Variants in DPY19L2 observed in about 807,000 individuals in gnomAD.
DPY19L2 encodes dpy-19 like 2, also known as probable C-mannosyltransferase DPY19L2.
Under a neutral mutation model 97.9 loss-of-function variants are expected in DPY19L2, and 34 were observed. The observed-to-expected ratio is 0.35, with a 90% CI of 0.26 to 0.46. The LOEUF is 0.46. Ranked by LOEUF, DPY19L2 falls within the 20% of genes least tolerant of loss-of-function variation. The pLI is 1.00. For synonymous variants in DPY19L2, 230 were observed against 307.9 expected (o/e 0.75, Z 2.65); for missense variants, 623 against 911.4 (o/e 0.68, Z 4.07).
chr12:63,645,376 A>AT (rs1893275233), intron 5 of DPY19L2, among the ~76,000 whole-genome samples: 1 of 152,010 alleles, frequency 6.6e-6, no homozygotes, highest in Admixed American at 6.6e-5. Context: ...GCTCTGTCAT[A>AT]TCCCCCCTTC....
chr12:63,611,405 A>G (rs1811665074), intron 11 of DPY19L2, among the ~76,000 whole-genome samples: 1 of 151,628 alleles, frequency 6.6e-6, no homozygotes, highest in South Asian at 2.1e-4. Flanking sequence ...CAAAGTAAAC[A>G]TTGCCAAGCC....
intron 19 of DPY19L2, among the ~76,000 whole-genome samples, chr12:63,578,047 G>A (rs1459399172): frequency 2.0e-5 from 3 of 152,238 alleles, no homozygotes; most frequent in Admixed American, 2.0e-4. Context: ...CAACCTAAGT[G>A]TCCATCAACA....
At chr12:63,577,225 T>C (rs559715664) in intron 19 of DPY19L2, among the ~76,000 whole-genome samples, 2 of 151,724 alleles carry the variant, frequency 1.3e-5, no homozygotes, top group South Asian at 4.2e-4. Context: ...GAAAACTGAA[T>C]ATCCATATGC....
intron 14 of DPY19L2, 67 bp downstream of exon 14, chr12:63,597,742 T>A: frequency 6.8e-7 from 1 of 1,460,020 alleles, no homozygotes; most frequent in Non-Finnish European, 9.4e-7. Flanking sequence ...ATTTTGAGTT[T>A]CAGATTTTAA....
At chr12:63,631,587 A>C (rs1890663911) in intron 6 of DPY19L2, among the ~76,000 whole-genome samples, 1 of 152,088 alleles carries the variant, frequency 6.6e-6, no homozygotes, top group Non-Finnish European at 1.5e-5. Context: ...CTACCAACCA[A>C]AAAAAGTCCA....
intron 4 of DPY19L2, among the ~76,000 whole-genome samples, chr12:63,649,477 C>T (rs1440641293): frequency 6.6e-6 from 1 of 151,990 alleles, no homozygotes; most frequent in Non-Finnish European, 1.5e-5. Flanking sequence ...TAAACACAAT[C>T]AGAAATGACA....
At position 63,606,668 on chromosome 12, in the gene DPY19L2, A is replaced by G. The variant is rs183301451; in HGVS notation, c.1278+1948T>C. Among the ~76,000 whole-genome samples the G allele has an allele frequency of 1.8e-3, 271 of 152,192 alleles. 3 individuals are homozygous for G. The highest frequency in any genetic ancestry group is 6.3e-3 in the African/African-American group (262 of 41,536). The stretch of plus-strand genomic sequence containing the variant: ...CTTTTGTGTGTAAGGAATGTTTTTA[A>G]TCTAGGTGAAATTTTGAATCTATGC... On this transcript the variant is annotated intron_variant, in intron 12 of 21. Transcript: ENST00000324472.
chr12:63,647,847 T>C (rs7310476), intron 4 of DPY19L2, among the ~76,000 whole-genome samples: 7,612 of 152,118 alleles, frequency 0.05, 320 homozygotes, highest in East Asian at 0.13. Flanking sequence ...TACCATAACT[T>C]ATATGGTTAT....
chr12:63,623,222 T>A (rs1173291662), intron 8 of DPY19L2, among the ~76,000 whole-genome samples: 1 of 151,640 alleles, frequency 6.6e-6, no homozygotes, highest in Non-Finnish European at 1.5e-5. Context: ...TGCTTATAAA[T>A]GTAATCCCTA....
At position 63,626,499 on chromosome 12, in the gene DPY19L2, T is replaced by C. The variant is rs776819617; in HGVS notation, c.831A>G (p.Thr277=). 1.9e-6 allele frequency: 3 copies of C among 1,571,504 alleles called. No homozygotes were observed. Among genetic ancestry groups the C allele is most frequent in the Admixed American group, 4.0e-5 (2 of 49,890 alleles). The change falls in exon 7 of 22, where the codon ACA becomes ACG. Residue 277 remains threonine, a synonymous_variant. Transcript: ENST00000324472. ...CATGGTTGAAAAAGAAGCACAGTAC[T>C]GTAATAAGACCTCCCAGTTGAGTCC... is the stretch of plus-strand genomic sequence containing the variant. ...LSGTQLGGLI[T]VLCFFFNHGE...
At chr12:63,652,519 A>T (rs1376330139) in intron 4 of DPY19L2, among the ~76,000 whole-genome samples, 1 of 152,162 alleles carries the variant, frequency 6.6e-6, no homozygotes, top group Non-Finnish European at 1.5e-5. Flanking sequence ...CATGGAATCA[A>T]CCTAAATGCC....
rs1876283994 is a variant in DPY19L2, at chr12:63,560,599, G to A, written c.2190C>T (p.Pro730=). ...CGTCTTCGAGCAGGACGCTACATAA[G>A]GGAGGGTTAGCTGCATTGGAAGGGT... ...VEDPSNAANP[P]LCSVLLEDAR... is the part of the protein sequence containing the mutation. Residue 730 remains proline (P), a synonymous_variant, in exon 22 of 22, where the codon CCC becomes CCT. Coordinates refer to ENST00000324472, the MANE Select transcript of DPY19L2 (RefSeq NM_173812.5). 6.2e-7 allele frequency: 1 copy of A among 1,613,912 alleles called. No individual in the cohort carries two copies. Among genetic ancestry groups the A allele is most frequent in the African/African-American group, 1.3e-5 (1 of 74,908 alleles).
intron 13 of DPY19L2, among the ~76,000 whole-genome samples, chr12:63,599,054 C>A (rs12229826): frequency 0.59 from 89,208 of 151,218 alleles, 26,904 homozygotes; most frequent in African/African-American, 0.74. Context: ...GTGCCTATAA[C>A]CTCAGCTACT....
intron 12 of DPY19L2, among the ~76,000 whole-genome samples, chr12:63,608,270 CTT>C (rs1362493727): frequency 6.6e-6 from 1 of 152,124 alleles, no homozygotes; most frequent in Non-Finnish European, 1.5e-5. Flanking sequence ...AAACTACAAA[CTT>C]GAGTTATGTT....
chr12:63,588,814 C>T (rs1326598169), intron 16 of DPY19L2, among the ~76,000 whole-genome samples: 3 of 144,232 alleles, frequency 2.1e-5, no homozygotes, highest in Admixed American at 7.3e-5. Context: ...AGTGCGGTGG[C>T]GCGATCTCAG....
intron 6 of DPY19L2, among the ~76,000 whole-genome samples, chr12:63,643,320 T>C (rs1296058679): frequency 2.0e-5 from 3 of 152,112 alleles, no homozygotes; most frequent in East Asian, 1.9e-4. Context: ...CTAGTTTTCA[T>C]TGATTCTATG....
In DPY19L2 at chr12:63,658,742, C is replaced by T. The variant is rs3965195; in HGVS notation, c.588+2602G>A. ...TATTACTCATAAATTCTTCTTTCAG[C>T]GGCACTGATCTATCTGTGTCATCAC... On this transcript the variant is annotated intron_variant, in intron 4 of 21. Transcript: ENST00000324472. Among the ~76,000 whole-genome samples the T allele has an allele frequency of 9.2e-5, 14 of 152,164 alleles. 1 individual carries two copies. In the South Asian group the frequency reaches 1.2e-3, roughly 14 times the overall value.
chr12:63,650,478 C>G (rs142670045), intron 4 of DPY19L2, among the ~76,000 whole-genome samples: 1 of 152,016 alleles, frequency 6.6e-6, no homozygotes, highest in East Asian at 1.9e-4. Context: ...GCAAACTTTC[C>G]GGATGTAAAA....
intron 6 of DPY19L2, among the ~76,000 whole-genome samples, chr12:63,629,664 T>G (rs12319255): frequency 0.046 from 7,004 of 152,164 alleles, 565 homozygotes; most frequent in African/African-American, 0.16. Context: ...CCAGGAGAAC[T>G]TCCCCAGTCT....
Sources: allele counts gnomAD v4.1 joint callset (sites outside exome capture counted in the v4.1 genomes callset), GRCh38; gene constraint gnomAD v4.1.1; transcripts MANE v1.5; gene names NCBI Gene and HGNC (gene_info 2026-07-23, HGNC 2026-07-21).